The following OSBPL3 variants were observed in gnomAD, a reference collection of about 807,000 sequenced individuals.
OSBPL3 encodes the protein oxysterol-binding protein-related protein 3.
A neutral mutation model predicts 120.1 loss-of-function variants in OSBPL3; 65 were observed. The ratio of observed to expected loss-of-function variants is 0.54; its 90% CI spans 0.44 to 0.67. The LOEUF (loss-of-function observed/expected upper bound fraction) is 0.67. Among genes scored for constraint, OSBPL3 ranks in the 30% least tolerant of loss-of-function variants. OSBPL3 has a pLI of 0.00. For missense variants in OSBPL3, 1,004 were observed against 1,082.1 expected (o/e 0.93, Z 1.01); for synonymous variants, 416 against 402.6 (o/e 1.03, Z -0.40).
intron 1 of OSBPL3, among the ~76,000 whole-genome samples, chr7:24,919,161 A>G (rs992638832): frequency 6.6e-6 from 1 of 152,202 alleles, no homozygotes; most frequent in African/African-American, 2.4e-5. Context: ...CAAAGAAAAG[A>G]TATCTCAAAA....
chr7:24,876,565 CT>C (rs1802878564), intron 2 of OSBPL3, among the ~76,000 whole-genome samples: 1 of 152,038 alleles, frequency 6.6e-6, no homozygotes, highest in Non-Finnish European at 1.5e-5. Context: ...GAGATTTCTC[CT>C]GGTTTATTCA....
intron 2 of OSBPL3, among the ~76,000 whole-genome samples, chr7:24,889,127 A>G (rs959029746): frequency 1.8e-4 from 28 of 152,246 alleles, no homozygotes; most frequent in African/African-American, 6.5e-4. Flanking sequence ...ATTTCCAAAG[A>G]AAATGTGGTG....
chr7:24,945,268 T>C lies in OSBPL3; in HGVS notation c.-150+34618A>G, dbSNP rs550309969. 2.6e-5 allele frequency among the ~76,000 whole-genome samples: 4 copies of C among 152,318 alleles called. No individual in the cohort carries two copies. The South Asian group carries it at 8.3e-4, about 32-fold the overall frequency. On this transcript the variant is annotated intron_variant, in intron 1 of 22. Coordinates refer to ENST00000313367, the MANE Select transcript of OSBPL3 (RefSeq NM_015550.4). ...TTAATTCATTCATTCTCCCACAACA[T>C]GGTTTCCAGTTCTTTCTCCATCCTA...
chr7:24,841,717 A>AAAAAAAAAAAAAAAAG lies in OSBPL3; in HGVS notation c.1401+561_1401+562insCTTTTTTTTTTTTTTT, dbSNP rs70942886. On this transcript the variant is annotated intron_variant, in intron 13 of 22. Coordinates refer to ENST00000313367, the MANE Select transcript of OSBPL3 (RefSeq NM_015550.4). Reference sequence around the variant, plus strand: ...CTCAAAAAAAAAAAAAAAAAAAAAAAAAAAGAGGCCAGGCACAGTGGCTCA... The same window carrying AAAAAAAAAAAAAAAAG: ...CTCAAAAAAAAAAAAAAAAAAAAAAAAAAAAAAAAAAAAAAGAAAAGAGGCCAGGCACAGTGGCTCA... Among the ~76,000 whole-genome samples the AAAAAAAAAAAAAAAAG allele has an allele frequency of 9.3e-3, 769 of 82,764 alleles. 141 individuals are homozygous for AAAAAAAAAAAAAAAAG. Among genetic ancestry groups the AAAAAAAAAAAAAAAAG allele is most frequent in the Middle Eastern group, 0.015 (2 of 136 alleles). 54.3% of individuals were successfully genotyped at this position (82,764 alleles called of 152,430 possible). A position where few individuals can be genotyped will look rare whatever the true frequency, so the allele number is the denominator to read the frequency against.
intron 12 of OSBPL3, among the ~76,000 whole-genome samples, chr7:24,845,740 T>C (rs1798373895): frequency 6.6e-6 from 1 of 152,172 alleles, no homozygotes; most frequent in Non-Finnish European, 1.5e-5. Context: ...TCTTCCCTAC[T>C]CTAGCAGTTT....
At chr7:24,836,420 C>T (rs1797005089) in intron 14 of OSBPL3, among the ~76,000 whole-genome samples, 1 of 152,096 alleles carries the variant, frequency 6.6e-6, no homozygotes, top group African/African-American at 2.4e-5. Flanking sequence ...AATTGTCTGC[C>T]TTCCTATTTA....
rs67222925 is a variant in OSBPL3, at chr7:24,904,918, G to GGTGTGTGTGTGTGT, written c.-149-12311_-149-12298dup. Among the ~76,000 whole-genome samples, 1,147 of 132,930 alleles carry GGTGTGTGTGTGTGT rather than the reference G, an allele frequency of 8.6e-3. 14 individuals are homozygous for GGTGTGTGTGTGTGT. The highest frequency in any genetic ancestry group is 0.018 in the South Asian group (64 of 3,544). 87.2% of individuals were successfully genotyped at this position (132,930 alleles called of 152,430 possible). ...TGAAGTGTTCTGATCATAATATACA[G>GGTGTGTGTGTGTGT]GTGTGTGTGTGTGTGTGTGTGTGTG... On this transcript the variant is annotated intron_variant, in intron 1 of 22. Transcript: ENST00000313367.
Position 24,867,947 on chromosome 7 carries a change from T to C in OSBPL3, c.382-1710A>G, listed in dbSNP as rs970855408. Reference sequence around the variant, plus strand: ...GTAACTAGTAGTTTTTATTTAAAGATATTTCAAATGTTTATAAAAATATGT... The same window carrying C: ...GTAACTAGTAGTTTTTATTTAAAGACATTTCAAATGTTTATAAAAATATGT... On this transcript the variant is annotated intron_variant, in intron 5 of 22. Coordinates refer to ENST00000313367, the MANE Select transcript of OSBPL3 (RefSeq NM_015550.4). This position sits in a 1 kb window ranked among gnomAD's most constrained non-coding sequence, Gnocchi z 4.5. Among the ~76,000 whole-genome samples the C allele has an allele frequency of 3.3e-5, 5 of 152,218 alleles. No homozygotes were observed. Among genetic ancestry groups the C allele is most frequent in the Non-Finnish European group, 5.9e-5 (4 of 68,042 alleles).
chr7:24,947,423 C>T lies in OSBPL3; in HGVS notation c.-150+32463G>A, dbSNP rs1386453460. The stretch of plus-strand genomic sequence containing the variant: ...GTGCAGCCTGGCTTTACCCAGGCAC[C>T]AGAAGCCTCCAGAGCATCACTCCTG... On this transcript the variant is annotated intron_variant, in intron 1 of 22. Coordinates refer to ENST00000313367, the MANE Select transcript of OSBPL3 (RefSeq NM_015550.4). This position sits in a 1 kb window ranked among gnomAD's most constrained non-coding sequence, Gnocchi z 4.4. Among the ~76,000 whole-genome samples, 2 of 152,180 alleles carry T rather than the reference C, an allele frequency of 1.3e-5. No individual in the cohort carries two copies. The highest frequency in any genetic ancestry group is 3.9e-4 in the East Asian group (2 of 5,190).
At chr7:24,809,768 C>G (rs1415786857) in intron 20 of OSBPL3, 39 bp downstream of exon 20, 1 of 1,607,640 alleles carries the variant, frequency 6.2e-7, no homozygotes, top group South Asian at 1.1e-5. Flanking sequence ...CACCCATCCA[C>G]CCACTCACAG....
In OSBPL3 at chr7:24,964,699, A is replaced by T. The variant is rs976150944; in HGVS notation, c.-150+15187T>A. On this transcript the variant is annotated intron_variant, in intron 1 of 22. Coordinates refer to ENST00000313367, the MANE Select transcript of OSBPL3 (RefSeq NM_015550.4). This position sits in a 1 kb window ranked among gnomAD's most constrained non-coding sequence, Gnocchi z 4.2. ...TCTGAATGAAGTATAGATTTTAGTTATTAATACTGCAACAGTACTGGTCTA... is the reference window on the plus strand; with the variant it reads ...TCTGAATGAAGTATAGATTTTAGTTTTTAATACTGCAACAGTACTGGTCTA... Among the ~76,000 whole-genome samples, 3 of 152,264 alleles carry T rather than the reference A, an allele frequency of 2.0e-5. No homozygotes were observed. Among genetic ancestry groups the T allele is most frequent in the Non-Finnish European group, 4.4e-5 (3 of 68,048 alleles).
At position 24,815,098 on chromosome 7, in the gene OSBPL3, C is replaced by T. The variant is rs377309228; in HGVS notation, c.2133G>A (p.Leu711=). The change falls in exon 19 of 23, where the codon CTG becomes CTA. Residue 711 remains leucine (L), a synonymous_variant. Transcript: ENST00000313367. This position sits in a 1 kb window ranked among gnomAD's most constrained non-coding sequence, Gnocchi z 5.1. ...CTTTGCAGTAGCAGGAATCATCATG[C>T]AGGTTCTTGATGACAATCTCTCCAT... ...EHYGEIVIKN[L]HDDSCYCKVN... The T allele has an allele frequency of 1.4e-5, 22 of 1,613,390 alleles. No homozygotes were observed. In the African/African-American group the frequency reaches 2.9e-4, roughly 22 times the overall value.
rs1792783345 is a variant in OSBPL3, at chr7:24,804,461, TGAAAG to T, written c.2445-29_2445-25del. The T allele has an allele frequency of 6.2e-7, 1 of 1,600,482 alleles. No homozygotes were observed. The highest frequency in any genetic ancestry group is 8.5e-7 in the Non-Finnish European group (1 of 1,171,514). On this transcript the variant is annotated intron_variant, in intron 21 of 22. Coordinates refer to ENST00000313367, the MANE Select transcript of OSBPL3 (RefSeq NM_015550.4). The surrounding 1 kb of genome is among the most constrained non-coding windows in gnomAD (Gnocchi z 5.4). ...ACCTGAGGCATCGAGGAAAAAAAAA[TGAAAG>T]GATATGAATTCAAGAAAACAAAACA...
chr7:24,814,991 T>C (rs947000245), intron 19 of OSBPL3, 68 bp downstream of exon 19: 1 of 1,495,746 alleles, frequency 6.7e-7, no homozygotes, highest in African/African-American at 1.4e-5. Flanking sequence ...TCAAATGCCC[T>C]GTGCTCTGGG....
chr7:24,892,343 T>A lies in OSBPL3; in HGVS notation c.96+34A>T, dbSNP rs566305480. ...AACCAGCAAACTTGATGGCTTACAT[T>A]TGCATATTAAAATTTGCATGAGTTA... is the stretch of plus-strand genomic sequence containing the variant. On this transcript the variant is annotated intron_variant, in intron 2 of 22. Coordinates refer to ENST00000313367, the MANE Select transcript of OSBPL3 (RefSeq NM_015550.4). The A allele has an allele frequency of 2.2e-5, 36 of 1,602,874 alleles. 1 individual carries two copies. The South Asian group carries it at 3.1e-4, about 14-fold the overall frequency.
rs1254903819 is a variant in OSBPL3 at position 24,861,646 on chromosome 7, T to C, written c.994A>G (p.Met332Val). 6.2e-7 allele frequency: 1 copy of C among 1,605,834 alleles called. No homozygotes were observed. The highest frequency in any genetic ancestry group is 1.1e-5 in the South Asian group (1 of 89,096). Residue 332 changes from methionine (M) to valine (V), a missense_variant, in exon 10 of 23, where the codon ATG becomes GTG. Physicochemically the swap from Met to Val is conservative, Grantham distance 21. Around this residue, in one of 4 missense-constraint regions of OSBPL3, gnomAD observed 272 missense variants for 248.8 expected, o/e 1.09. Transcript: ENST00000313367. ...GCAATATGACACAGATCTTCTTGCA[T>C]TTTAGAAAACTCTGATGAGGTTTCA... ...GSETSSEFSK[M>V]QEDLCHIAHK...
Position 24,922,073 on chromosome 7 carries a change from C to T in OSBPL3, c.-149-29452G>A, listed in dbSNP as rs1205986442. ...AAACGCTTGTGGAATCTCTATACTT[C>T]TAACATTGTTAGTATTGTGAATGCA... On this transcript the variant is annotated intron_variant, in intron 1 of 22. Transcript: ENST00000313367. The surrounding 1 kb of genome is among the most constrained non-coding windows in gnomAD (Gnocchi z 4.3). Among the ~76,000 whole-genome samples, 1 of 152,204 alleles carries T rather than the reference C, an allele frequency of 6.6e-6. No individual in the cohort carries two copies. The highest frequency in any genetic ancestry group is 1.5e-5 in the Non-Finnish European group (1 of 68,036).
intron 1 of OSBPL3, among the ~76,000 whole-genome samples, chr7:24,924,651 C>T (rs186923871): frequency 4.5e-4 from 68 of 152,308 alleles, no homozygotes; most frequent in African/African-American, 1.6e-3. Flanking sequence ...ATGGGCTACT[C>T]GCTACCCATA....
intron 1 of OSBPL3, among the ~76,000 whole-genome samples, chr7:24,919,876 A>G (rs954375926): frequency 6.6e-6 from 1 of 151,968 alleles, no homozygotes; most frequent in Non-Finnish European, 1.5e-5. Context: ...CCTCCAAAGA[A>G]GCCACAAAAA....
Sources: gnomAD v4.1 joint callset for allele counts (sites outside exome capture counted in the v4.1 genomes callset) on GRCh38, gnomAD v4.1.1 for gene constraint, gnomAD v4.1.1 regional missense constraint, Gnocchi (gnomAD v3.1) non-coding constraint, MANE v1.5 for transcripts, NCBI Gene and HGNC (gene_info 2026-07-23, HGNC 2026-07-21) for gene names.